MTO1: variants seen among roughly 807,000 people sequenced by gnomAD.
MTO1 encodes the protein mitochondrial tRNA translation optimization 1, also known as 5-taurinomethyluridine-[tRNA] synthase subunit MTO1, mitochondrial.
A neutral mutation model predicts 71.6 loss-of-function variants in MTO1; 46 were observed. The ratio of observed to expected loss-of-function variants is 0.64; its 90% CI spans 0.51 to 0.82. MTO1 has a LOEUF of 0.82. Among genes scored for constraint, MTO1 ranks in the 40% least tolerant of loss-of-function variants. MTO1 has a pLI of 0.00. For synonymous variants in MTO1, 297 were observed against 312.1 expected, an observed-to-expected ratio of 0.95 and a Z score of 0.51; for missense variants, 773 against 867.5, an observed-to-expected ratio of 0.89 and a Z score of 1.37.
rs186091424 is a variant in MTO1, at chr6:73,462,624, G to C, written c.217+553G>C. On this transcript the variant is annotated intron_variant, in intron 1 of 11. Transcript: ENST00000498286. ...GGCGCCTATAATCCCAGCTACTCGG[G>C]AGTCTGAGGCAGGAGAATCGCTTGA... 8.9e-4 allele frequency among the ~76,000 whole-genome samples: 136 copies of C among 152,164 alleles called. 2 individuals are homozygous for C. The highest frequency in any genetic ancestry group is 8.9e-3 in the East Asian group (46 of 5,172).
rs1582690057 is a variant in MTO1 at position 73,485,116 on chromosome 6, G to A, written c.1637+2496G>A. Among the ~76,000 whole-genome samples, 7 of 151,838 alleles carry A rather than the reference G, an allele frequency of 4.6e-5. No individual in the cohort carries two copies. In the South Asian group the frequency reaches 1.5e-3, roughly 32 times the overall value. On this transcript the variant is annotated intron_variant, in intron 9 of 11. Coordinates refer to ENST00000498286, the MANE Select transcript of MTO1 (RefSeq NM_012123.4). The stretch of plus-strand genomic sequence containing the variant: ...TATAACAAATATCACACTAATTCGT[G>A]TAATAGGAACTTGCATTGAATGTGA...
chr6:73,500,649 C>T lies in MTO1; in HGVS notation c.1993C>T (p.Gln665Ter). ...TCTGCTGAGATTTGTGAAGACCACTCAACGAAGACAGTCGGCTATGAATGA... is the reference window on the plus strand; with the variant it reads ...TCTGCTGAGATTTGTGAAGACCACTTAACGAAGACAGTCGGCTATGAATGA... ...INLLRFVKTT[Q>*]RRQSAMNESS... The change falls in exon 12 of 12, where the codon CAA (glutamine) becomes TAA (stop). Residue 665 changes from glutamine (Q) to a stop codon, truncating the protein, a stop_gained. Transcript: ENST00000498286. LOFTEE classifies it low-confidence loss of function (END_TRUNC). 1 of 1,613,858 alleles carries T rather than the reference C, an allele frequency of 6.2e-7. No homozygotes were observed. The highest frequency in any genetic ancestry group is 1.1e-5 in the South Asian group (1 of 91,024).
chr6:73,480,521 T>C (rs947831372), intron 6 of MTO1, among the ~76,000 whole-genome samples, 154 bp from the exon 7 acceptor site: 2 of 152,140 alleles, frequency 1.3e-5, no homozygotes, highest in African/African-American at 4.8e-5. Context: ...CCACCCGCCT[T>C]GGCCCCCCAA....
At chr6:73,487,071 TTATC>T (rs1771672120) in intron 9 of MTO1, among the ~76,000 whole-genome samples, 1 of 152,196 alleles carries the variant, frequency 6.6e-6, no homozygotes, top group Non-Finnish European at 1.5e-5. Flanking sequence ...CACATTGTGT[TTATC>T]TATTCATCTG....
chr6:73,481,407 GA>G (rs1194276505), intron 7 of MTO1, among the ~76,000 whole-genome samples: 1 of 151,818 alleles, frequency 6.6e-6, no homozygotes, highest in Admixed American at 6.6e-5. Context: ...TTGTAAGTCA[GA>G]AATTATTTTA....
intron 3 of MTO1, among the ~76,000 whole-genome samples, chr6:73,470,719 C>A (rs1238234655): frequency 6.6e-6 from 1 of 151,958 alleles, no homozygotes; most frequent in African/African-American, 2.4e-5. Flanking sequence ...TTTGGAAGGC[C>A]GAGGCAGGTG....
At chr6:73,495,735 T>A (rs1009458700) in intron 10 of MTO1, among the ~76,000 whole-genome samples, 8 of 152,156 alleles carry the variant, frequency 5.3e-5, no homozygotes, top group Non-Finnish European at 8.8e-5. Context: ...CATTATACCC[T>A]TATATACCTT....
intron 4 of MTO1, 50 bp downstream of exon 4, chr6:73,473,704 A>C: frequency 7.1e-7 from 1 of 1,401,958 alleles, no homozygotes; most frequent in Non-Finnish European, 9.7e-7. Context: ...GGCTATTCAC[A>C]GCAGGAAGTA....
chr6:73,478,880 CTT>C, intron 4 of MTO1, among the ~76,000 whole-genome samples: 1 of 144,966 alleles, frequency 6.9e-6, no homozygotes, highest in South Asian at 2.2e-4. Flanking sequence ...CACAAAAACA[CTT>C]TTTTTTTTTC....
Position 73,480,717 on chromosome 6 carries a change from C to G in MTO1, c.1172C>G (p.Thr391Ser), listed in dbSNP as rs377702561. ...GATTACTTAGATCCCCGTCAGATCA[C>G]CCCTTCCTTGGAGACTCATTTGGTT... ...QYDYLDPRQITPSLETHLVQR... is the reference protein window; with the variant it reads ...QYDYLDPRQISPSLETHLVQR... Residue 391 changes from threonine to serine, a missense_variant, in exon 7 of 12, where the codon ACC (threonine) becomes AGC (serine). Coordinates refer to ENST00000498286, the MANE Select transcript of MTO1 (RefSeq NM_012123.4). The G allele has an allele frequency of 7.4e-6, 12 of 1,613,960 alleles. No homozygotes were observed. In the East Asian group the frequency reaches 1.1e-4, roughly 15 times the overall value.
At chr6:73,492,828 AAAAG>A (rs1246789910) in intron 10 of MTO1, 3 of 152,798 alleles carry the variant, frequency 2.0e-5, no homozygotes, top group African/African-American at 7.3e-5. Flanking sequence ...AAAAATTAAA[AAAAG>A]GAAATACAGA....
At chr6:73,463,781 A>C (rs34871313) in intron 1 of MTO1, among the ~76,000 whole-genome samples, 1 of 151,896 alleles carries the variant, frequency 6.6e-6, no homozygotes, top group Non-Finnish European at 1.5e-5. Context: ...GCTGTTGTTG[A>C]CCAGGCTAGA....
intron 4 of MTO1, among the ~76,000 whole-genome samples, chr6:73,476,960 G>A (rs1018187785): frequency 6.6e-6 from 1 of 151,850 alleles, no homozygotes; most frequent in Non-Finnish European, 1.5e-5. Context: ...ACTAATTTTT[G>A]TAGTTTTAGT....
intron 9 of MTO1, 40 bp from the exon 10 acceptor site, chr6:73,492,194 C>G (rs181106848): frequency 7.9e-7 from 1 of 1,265,440 alleles, no homozygotes; most frequent in Non-Finnish European, 1.2e-6. Flanking sequence ...CCTTATATGA[C>G]ATGGATCCTT....
intron 9 of MTO1, among the ~76,000 whole-genome samples, chr6:73,485,984 T>C (rs1376192876): frequency 6.6e-6 from 1 of 152,102 alleles, no homozygotes; most frequent in Non-Finnish European, 1.5e-5. Flanking sequence ...TACAGAGAAA[T>C]GTATTGATGT....
rs771001458 is a variant in MTO1, at chr6:73,492,312, T to C, written c.1716T>C (p.Tyr572=). The change falls in exon 10 of 12, where the codon TAT becomes TAC. Residue 572 remains tyrosine (Y), a synonymous_variant. Transcript: ENST00000498286. ...CTGTTCCAGAGCCCTTGAAGAAGTA[T>C]ACTAAATGTAGAGAGCTGGCTGAAA... ...AKAVPEPLKK[Y]TKCRELAERL... 5.0e-6 allele frequency: 8 copies of C among 1,613,650 alleles called. No individual in the cohort carries two copies. The South Asian group carries it at 7.7e-5, about 16-fold the overall frequency.
rs1348450911 is a variant in MTO1 at position 73,466,363 on chromosome 6, T to G, written c.372T>G (p.Gly124=). The G allele has an allele frequency of 6.2e-7, 1 of 1,613,940 alleles. No homozygotes were observed. The highest frequency in any genetic ancestry group is 8.5e-7 in the Non-Finnish European group (1 of 1,180,022). ...GGCGTAAGGGACCAGCTGTGTGGGG[T>G]CTGAGAGCTCAGATTGATAGGAAAC... The part of the protein sequence containing the change: ...LNRRKGPAVW[G]LRAQIDRKLY... The change falls in exon 2 of 12, where the codon GGT becomes GGG. Residue 124 remains glycine (G), a synonymous_variant. Coordinates refer to ENST00000498286, the MANE Select transcript of MTO1 (RefSeq NM_012123.4).
chr6:73,474,963 C>T (rs895862912), intron 4 of MTO1, among the ~76,000 whole-genome samples: 81 of 152,040 alleles, frequency 5.3e-4, no homozygotes, highest in African/African-American at 1.7e-3. Context: ...CCATGTTGGC[C>T]GGGCTGGTTT....
In MTO1 at chr6:73,462,348, C is replaced by CTT. The variant is rs201617824; in HGVS notation, c.217+277_217+278insTT. The CTT allele has an allele frequency of 0.19, 98,596 of 518,802 alleles. 9,780 individuals carry two copies. The highest frequency in any genetic ancestry group is 0.26 in the African/African-American group (13,555 of 52,738). The allele number at this position is 518,802 out of a possible 1,614,324, so 32.1% of individuals were successfully genotyped here. ...GTCAGTGCCTTGGGAAAGGGAGCTA[C>CTT]CAACTACTCGCTGGTAGCTTCTTAG... On this transcript the variant is annotated intron_variant, in intron 1 of 11. Transcript: ENST00000498286.
Sources: allele counts gnomAD v4.1 joint callset (sites outside exome capture counted in the v4.1 genomes callset), GRCh38; gene constraint gnomAD v4.1.1; transcripts MANE v1.5; gene names NCBI Gene and HGNC (gene_info 2026-07-23, HGNC 2026-07-21).